ZNF430: variants seen among roughly 807,000 people sequenced by gnomAD.
ZNF430 encodes zinc finger protein 430.
Under a neutral mutation model 56.7 loss-of-function variants are expected in ZNF430, and 35 were observed. That is an observed-to-expected ratio of 0.62 (90% confidence interval 0.47 to 0.82). ZNF430 has a LOEUF of 0.82. Ranked by LOEUF, ZNF430 falls within the 40% of genes least tolerant of loss-of-function variation. The pLI is 0.00. For synonymous variants in ZNF430, 212 were observed against 224.3 expected, an observed-to-expected ratio of 0.94 and a Z score of 0.49; for missense variants, 574 against 661.0, an observed-to-expected ratio of 0.87 and a Z score of 1.44.
chr19:21,050,314 C>A (rs1057154912), intron 4 of ZNF430, among the ~76,000 whole-genome samples: 10 of 152,036 alleles, frequency 6.6e-5, no homozygotes, highest in Non-Finnish European at 1.0e-4. Context: ...TTAGGGTATG[C>A]CACCTCATAC....
chr19:21,057,070 T>G lies in ZNF430; in HGVS notation c.762T>G (p.Ile254Met), dbSNP rs1431163040. The G allele has an allele frequency of 6.2e-7, 1 of 1,614,142 alleles. No individual in the cohort carries two copies. Among genetic ancestry groups the G allele is most frequent in the Non-Finnish European group, 8.5e-7 (1 of 1,180,004 alleles). Residue 254 changes from isoleucine to methionine, a missense_variant, in exon 5 of 5, where the codon ATT (isoleucine) becomes ATG (methionine). This residue lies in a region of ZNF430 where 346 missense variants were observed against 399.1 expected (regional missense o/e 0.87). Transcript: ENST00000261560. ...CAACCCTTACTAGACACAGAAGAAT[T>G]CATACTGGAGAGAAACCCTACAAAT... ...WFSTLTRHRR[I>M]HTGEKPYKCE...
chr19:21,055,138 T>G (rs527741892), intron 4 of ZNF430, among the ~76,000 whole-genome samples: 1 of 152,218 alleles, frequency 6.6e-6, no homozygotes, highest in South Asian at 2.1e-4. Flanking sequence ...ATTCAATTTG[T>G]TTTCAATTTT....
At chr19:21,031,602 C>A (rs930420298) in intron 2 of ZNF430, among the ~76,000 whole-genome samples, 1 of 152,116 alleles carries the variant, frequency 6.6e-6, no homozygotes, top group Non-Finnish European at 1.5e-5. Context: ...TTCTGCAGGA[C>A]CTTCCTTCTG....
chr19:21,046,253 A>T (rs981208391), intron 4 of ZNF430, among the ~76,000 whole-genome samples: 16 of 149,720 alleles, frequency 1.1e-4, no homozygotes, highest in African/African-American at 3.7e-4. Context: ...TGGGAGGCAG[A>T]TGTTGCAGTT....
intron 2 of ZNF430, among the ~76,000 whole-genome samples, chr19:21,025,290 A>G (rs1216546912): frequency 2.6e-5 from 4 of 152,198 alleles, no homozygotes; most frequent in Non-Finnish European, 4.4e-5. Context: ...TGATGTTTCC[A>G]TGATGTCTCC....
At chr19:21,040,899 TATA>T (rs1178540053) in intron 4 of ZNF430, among the ~76,000 whole-genome samples, 3 of 152,190 alleles carry the variant, frequency 2.0e-5, no homozygotes, top group African/African-American at 7.2e-5. Flanking sequence ...TTGGCCATTA[TATA>T]ATATCAGTGT....
At chr19:21,040,495 A>G (rs571418401) in intron 4 of ZNF430, among the ~76,000 whole-genome samples, 5 of 152,298 alleles carry the variant, frequency 3.3e-5, no homozygotes, top group South Asian at 2.1e-4. Flanking sequence ...TTACCATGTG[A>G]TATGTCCAGC....
intron 4 of ZNF430, among the ~76,000 whole-genome samples, chr19:21,051,380 T>C (rs948728711): frequency 1.5e-4 from 23 of 152,226 alleles, no homozygotes; most frequent in Admixed American, 6.5e-4. Flanking sequence ...GTGACAGAAA[T>C]TTGCATTCCT....
At chr19:21,055,508 G>A (rs1203228103) in intron 4 of ZNF430, among the ~76,000 whole-genome samples, 2 of 151,822 alleles carry the variant, frequency 1.3e-5, no homozygotes, top group East Asian at 1.9e-4. Context: ...GAGTGCAGTG[G>A]CGCAATCTCG....
chr19:21,034,600 C>T (rs530255147), intron 4 of ZNF430: 4 of 153,978 alleles, frequency 2.6e-5, no homozygotes, highest in Admixed American at 6.4e-5. Flanking sequence ...TGCAATGGCA[C>T]GATCTAGGCT....
chr19:21,033,790 T>A, intron 3 of ZNF430: 1 of 599,018 alleles, frequency 1.7e-6, no homozygotes, highest in Non-Finnish European at 2.7e-6. Context: ...TGGGCTGATC[T>A]GTATCCTTCA....
At chr19:21,054,543 T>A (rs1968336663) in intron 4 of ZNF430, among the ~76,000 whole-genome samples, 1 of 152,138 alleles carries the variant, frequency 6.6e-6, no homozygotes, top group African/African-American at 2.4e-5. Flanking sequence ...TGACATCACT[T>A]TTATCTTGCA....
At chr19:21,031,268 G>A (rs975172072) in intron 2 of ZNF430, among the ~76,000 whole-genome samples, 2 of 152,116 alleles carry the variant, frequency 1.3e-5, no homozygotes, top group African/African-American at 2.4e-5. Context: ...TGTTCTGGGT[G>A]GAAGCATCCA....
In ZNF430 at chr19:21,057,064, A is replaced by G. The variant is rs1285303022; in HGVS notation, c.756A>G (p.Arg252=). The G allele has an allele frequency of 6.2e-7, 1 of 1,614,000 alleles. No homozygotes were observed. Among genetic ancestry groups the G allele is most frequent in the Non-Finnish European group, 8.5e-7 (1 of 1,180,004 alleles). ...GGTTCTCAACCCTTACTAGACACAG[A>G]AGAATTCATACTGGAGAGAAACCCT... is the stretch of plus-strand genomic sequence containing the variant. ...FNWFSTLTRH[R]RIHTGEKPYK... Residue 252 remains arginine, a synonymous_variant, in exon 5 of 5, where the codon AGA becomes AGG. Coordinates refer to ENST00000261560, the MANE Select transcript of ZNF430 (RefSeq NM_025189.4).
At chr19:21,038,907 TAACTA>T (rs1318802862) in intron 4 of ZNF430, among the ~76,000 whole-genome samples, 2 of 152,352 alleles carry the variant, frequency 1.3e-5, no homozygotes, top group East Asian at 1.9e-4. Context: ...ATTGACAACT[TAACTA>T]AATTAAACTT....
intron 4 of ZNF430, among the ~76,000 whole-genome samples, chr19:21,046,583 C>T (rs2144779255): frequency 6.6e-6 from 1 of 152,108 alleles, no homozygotes; most frequent in Non-Finnish European, 1.5e-5. Flanking sequence ...GATTTTATTC[C>T]TCCTTTACTT....
intron 4 of ZNF430, among the ~76,000 whole-genome samples, chr19:21,056,230 G>A (rs944079005): frequency 1.3e-5 from 2 of 151,788 alleles, no homozygotes; most frequent in African/African-American, 2.4e-5. Context: ...GCCAAAGTGC[G>A]GTAATCCCAG....
At chr19:21,050,953 G>A (rs1383495386) in intron 4 of ZNF430, among the ~76,000 whole-genome samples, 2 of 152,074 alleles carry the variant, frequency 1.3e-5, no homozygotes, top group South Asian at 2.1e-4. Flanking sequence ...ACTTGAACCC[G>A]GGAGGTAGAG....
chr19:21,056,712 A>G lies in ZNF430; in HGVS notation c.404A>G (p.Tyr135Cys), dbSNP rs144891389. The change falls in exon 5 of 5, where the codon TAT (tyrosine) becomes TGT (cysteine). Residue 135 changes from tyrosine (Y) to cysteine (C), a missense_variant. Physicochemically the swap from Tyr to Cys is radical, Grantham distance 194. Coordinates refer to ENST00000261560, the MANE Select transcript of ZNF430 (RefSeq NM_025189.4). ...TTCCAAGAAGTCATATTGAGAAGAT[A>G]TGGAAAATGTGGACATGAAGATTTA... ...DSFQEVILRRYGKCGHEDLQL... is the reference protein window; with the variant it reads ...DSFQEVILRRCGKCGHEDLQL... The G allele has an allele frequency of 1.5e-5, 24 of 1,609,336 alleles. No homozygotes were observed. In the African/African-American group the frequency reaches 3.1e-4, roughly 21 times the overall value.
Sources: gnomAD v4.1 joint callset for allele counts (sites outside exome capture counted in the v4.1 genomes callset) on GRCh38, gnomAD v4.1.1 for gene constraint, gnomAD v4.1.1 regional missense constraint, MANE v1.5 for transcripts, NCBI Gene and HGNC (gene_info 2026-07-23, HGNC 2026-07-21) for gene names.